Variants in DDC observed in about 807,000 individuals in gnomAD.
The protein encoded by DDC is aromatic-L-amino-acid decarboxylase.
In DDC, 43 loss-of-function variants were observed where a neutral mutation model predicts 60.0. The observed-to-expected ratio is 0.72, with a 90% CI of 0.56 to 0.92. DDC has a LOEUF of 0.92. Ranked by LOEUF, DDC falls within the 40% of genes least tolerant of loss-of-function variation. The probability of loss-of-function intolerance (pLI) is 0.00; values close to 1 mark genes in which losing one functional copy is unlikely to be tolerated. For missense variants in DDC, 573 were observed against 620.2 expected, an observed-to-expected ratio of 0.92 and a Z score of 0.81; for synonymous variants, 232 against 234.6, an observed-to-expected ratio of 0.99 and a Z score of 0.10.
At chr7:50,479,621 A>T (rs1181448807) in intron 10 of DDC, among the ~76,000 whole-genome samples, 166 bp downstream of exon 10, 1 of 152,082 alleles carries the variant, frequency 6.6e-6, no homozygotes, top group Non-Finnish European at 1.5e-5. Flanking sequence ...ACCAACCCAC[A>T]GGGAGTGGGC....
chr7:50,550,547 T>A (rs2044958512), intron 1 of DDC, among the ~76,000 whole-genome samples: 1 of 152,178 alleles, frequency 6.6e-6, no homozygotes, highest in Non-Finnish European at 1.5e-5. Context: ...TGACACAGCC[T>A]CAGGAAGTCC....
At chr7:50,490,939 T>A (rs937699336) in intron 9 of DDC, among the ~76,000 whole-genome samples, 1 of 152,172 alleles carries the variant, frequency 6.6e-6, no homozygotes, top group African/African-American at 2.4e-5. Flanking sequence ...AAGAGAAAAA[T>A]TATGTTTCAA....
chr7:50,542,208 C>A (rs1585265284), intron 2 of DDC: 2 of 152,238 alleles, frequency 1.3e-5, no homozygotes, highest in South Asian at 2.1e-4. Context: ...ATCTTTATGC[C>A]AATGCATTTG....
intron 9 of DDC, among the ~76,000 whole-genome samples, chr7:50,489,872 A>G (rs1051836208): frequency 6.6e-6 from 1 of 152,234 alleles, no homozygotes; most frequent in Non-Finnish European, 1.5e-5. Context: ...AGGTTATAAA[A>G]TGATTTATGG....
At chr7:50,494,361 G>A (rs1186417144) in intron 9 of DDC, among the ~76,000 whole-genome samples, 3 of 152,018 alleles carry the variant, frequency 2.0e-5, no homozygotes, top group South Asian at 2.1e-4. Context: ...CAAAAAATTA[G>A]CCGGGCGTGG....
chr7:50,502,927 C>CCTAG (rs1563008313), intron 7 of DDC, among the ~76,000 whole-genome samples: 4 of 152,146 alleles, frequency 2.6e-5, no homozygotes. Context: ...TGGGCTGCAC[C>CCTAG]CTAGCTTCCT....
chr7:50,460,724 G>A lies in DDC; in HGVS notation c.*19-1881C>T, dbSNP rs919567685. Reference sequence around the variant, plus strand: ...GTACTAAGAAAAATTCTTCTGCCTCGTGATCCTGTTGATCAGTGACCCTAC... The same window carrying A: ...GTACTAAGAAAAATTCTTCTGCCTCATGATCCTGTTGATCAGTGACCCTAC... On this transcript the variant is annotated intron_variant, in intron 14 of 14. Coordinates refer to ENST00000444124, the MANE Select transcript of DDC (RefSeq NM_001082971.2). Among the ~76,000 whole-genome samples, 3 of 151,664 alleles carry A rather than the reference G, an allele frequency of 2.0e-5. No individual in the cohort carries two copies. The South Asian group carries it at 6.2e-4, about 31-fold the overall frequency.
chr7:50,521,980 A>C (rs1482431890), intron 6 of DDC, among the ~76,000 whole-genome samples: 2 of 69,024 alleles, frequency 2.9e-5, no homozygotes, highest in Non-Finnish European at 7.1e-5. Flanking sequence ...TTGGAAGGAA[A>C]GAAAAAAAGT....
intron 14 of DDC, among the ~76,000 whole-genome samples, chr7:50,459,374 G>A (rs80280772): frequency 0.088 from 13,337 of 152,236 alleles, 643 homozygotes; most frequent in Middle Eastern, 0.15. Context: ...CTGCCCGGCC[G>A]CCACCCCGGT....
At chr7:50,522,253 T>C (rs776492286) in intron 6 of DDC, among the ~76,000 whole-genome samples, 12 of 150,518 alleles carry the variant, frequency 8.0e-5, no homozygotes, top group Non-Finnish European at 1.6e-4. Flanking sequence ...AATACTCTAA[T>C]GAAGAAAATT....
intron 1 of DDC, among the ~76,000 whole-genome samples, chr7:50,563,219 T>A (rs1001465412): frequency 6.6e-6 from 1 of 152,126 alleles, no homozygotes; most frequent in African/African-American, 2.4e-5. Flanking sequence ...GCTTATTTTT[T>A]AATTGAATTC....
chr7:50,487,592 A>G (rs2042913251), intron 9 of DDC, among the ~76,000 whole-genome samples: 1 of 152,044 alleles, frequency 6.6e-6, no homozygotes, highest in African/African-American at 2.4e-5. Flanking sequence ...CTTTATTTGC[A>G]TGACTGTTTA....
intron 10 of DDC, among the ~76,000 whole-genome samples, chr7:50,478,541 T>A (rs181368558): frequency 3.6e-4 from 55 of 152,324 alleles, no homozygotes; most frequent in Middle Eastern, 3.4e-3. Context: ...AGATACGGTG[T>A]CTAATTAGTG....
chr7:50,537,755 T>C (rs534084003), intron 4 of DDC, 105 bp downstream of exon 4: 17 of 1,424,344 alleles, frequency 1.2e-5, no homozygotes, highest in Non-Finnish European at 7.9e-6. Flanking sequence ...CAGGAGAAAT[T>C]TGAGGAACTA....
At chr7:50,489,985 T>C (rs2042965791) in intron 9 of DDC, among the ~76,000 whole-genome samples, 1 of 152,228 alleles carries the variant, frequency 6.6e-6, no homozygotes, top group African/African-American at 2.4e-5. Flanking sequence ...GAGTTTATTG[T>C]TTAGAAAAGT....
chr7:50,562,387 G>A (rs764753207), intron 1 of DDC, among the ~76,000 whole-genome samples: 4 of 152,214 alleles, frequency 2.6e-5, no homozygotes, highest in Non-Finnish European at 4.4e-5. Flanking sequence ...CTGCCCAAGC[G>A]TCACCATCCA....
At chr7:50,521,448 A>G (rs2043887454) in intron 6 of DDC, among the ~76,000 whole-genome samples, 1 of 152,212 alleles carries the variant, frequency 6.6e-6, no homozygotes, top group African/African-American at 2.4e-5. Flanking sequence ...CCAGTATTAC[A>G]AAGACATTGC....
chr7:50,535,022 A>G (rs2044349290), intron 4 of DDC, among the ~76,000 whole-genome samples: 3 of 152,240 alleles, frequency 2.0e-5, no homozygotes, highest in Admixed American at 2.0e-4. Context: ...ACTGACCAGA[A>G]GAAAATTGTG....
intron 13 of DDC, among the ~76,000 whole-genome samples, chr7:50,464,219 C>G (rs1428986701): frequency 6.6e-6 from 1 of 152,006 alleles, no homozygotes; most frequent in African/African-American, 2.4e-5. Flanking sequence ...ACTTCGTGGC[C>G]CTGTCTTCAG....
Sources: allele counts gnomAD v4.1 joint callset (sites outside exome capture counted in the v4.1 genomes callset), GRCh38; gene constraint gnomAD v4.1.1; transcripts MANE v1.5; gene names NCBI Gene and HGNC (gene_info 2026-07-23, HGNC 2026-07-21).